DCDC2C: variants seen among roughly 807,000 people sequenced by gnomAD.
DCDC2C encodes the protein doublecortin domain-containing protein 2C.
A neutral mutation model predicts 45.0 loss-of-function variants in DCDC2C; 44 were observed. The ratio of observed to expected loss-of-function variants is 0.98; its 90% CI spans 0.77 to 1.26. The LOEUF (loss-of-function observed/expected upper bound fraction) is 1.26, where lower values mean the gene tolerates loss of function less well. Among genes scored for constraint, DCDC2C ranks in the 50% most tolerant of loss-of-function variants. The probability of loss-of-function intolerance (pLI) is 0.00; values close to 1 mark genes in which losing one functional copy is unlikely to be tolerated. For synonymous variants in DCDC2C, 187 were observed against 178.8 expected (o/e 1.05, Z -0.37); for missense variants, 447 against 468.9 (o/e 0.95, Z 0.43).
At chr2:3,788,927 G>T (rs376908509) in intron 10 of DCDC2C, among the ~76,000 whole-genome samples, 2 of 142,120 alleles carry the variant, frequency 1.4e-5, no homozygotes, top group African/African-American at 5.2e-5. Context: ...TGCAAGCTCC[G>T]CCTCCCACGT....
intron 10 of DCDC2C, among the ~76,000 whole-genome samples, chr2:3,802,950 AG>A (rs1365781165): frequency 6.6e-6 from 1 of 152,120 alleles, no homozygotes; most frequent in Non-Finnish European, 1.5e-5. Flanking sequence ...CACTTTGAAA[AG>A]CTGTTCCTGG....
At chr2:3,707,188 T>C (rs145975954) in intron 1 of DCDC2C, among the ~76,000 whole-genome samples, 399 of 152,346 alleles carry the variant, frequency 2.6e-3, no homozygotes, top group Non-Finnish European at 3.9e-3. Context: ...AGGAACTATT[T>C]GTCCTTTCTT....
chr2:3,778,985 C>T lies in DCDC2C; in HGVS notation c.1023+101C>T, dbSNP rs367724298. 1.3e-3 allele frequency: 1,578 copies of T among 1,208,900 alleles called. 37 individuals are homozygous for T. The South Asian group carries it at 0.022, about 17-fold the overall frequency. 74.9% of individuals were successfully genotyped at this position (1,208,900 alleles called of 1,614,324 possible). On this transcript the variant is annotated intron_variant, in intron 9 of 10. Coordinates refer to ENST00000399143, the MANE Select transcript of DCDC2C (RefSeq NM_001287444.2). ...GGTGAAAGGATCTGAGATCACAAGT[C>T]GCTTCCAAAACACAAGCCAGCGCGG...
At chr2:3,812,930 T>A (rs1278095606) in intron 10 of DCDC2C, among the ~76,000 whole-genome samples, 1 of 151,968 alleles carries the variant, frequency 6.6e-6, no homozygotes, top group African/African-American at 2.4e-5. Flanking sequence ...TTGATTGCAC[T>A]GTAGTCTGAG....
intron 8 of DCDC2C, among the ~76,000 whole-genome samples, chr2:3,773,782 T>C (rs1451575047): frequency 6.6e-6 from 1 of 152,242 alleles, no homozygotes; most frequent in Non-Finnish European, 1.5e-5. Context: ...AATTCCATTT[T>C]AGTAGAGCAG....
At chr2:3,716,333 G>C (rs1488804323) in intron 2 of DCDC2C, among the ~76,000 whole-genome samples, 1 of 152,098 alleles carries the variant, frequency 6.6e-6, no homozygotes, top group Non-Finnish European at 1.5e-5. Context: ...TGAGAGACAG[G>C]GTGGGCCATC....
chr2:3,739,135 A>AT (rs1421193002), intron 3 of DCDC2C, among the ~76,000 whole-genome samples: 1 of 152,220 alleles, frequency 6.6e-6, no homozygotes, highest in East Asian at 1.9e-4. Context: ...AAATTTACAG[A>AT]TTTTTCTATT....
chr2:3,820,147 C>T (rs1243358006), intron 10 of DCDC2C, among the ~76,000 whole-genome samples: 1 of 152,118 alleles, frequency 6.6e-6, no homozygotes, highest in Non-Finnish European at 1.5e-5. Flanking sequence ...ACGTCAGGCA[C>T]CTCAGACCAT....
chr2:3,718,581 GA>G (rs1367245374), intron 2 of DCDC2C, among the ~76,000 whole-genome samples: 3 of 152,188 alleles, frequency 2.0e-5, no homozygotes, highest in Non-Finnish European at 2.9e-5. Context: ...TGCTCTCTGA[GA>G]AAGTCCAGGG....
At chr2:3,725,267 G>A (rs1352311274) in intron 2 of DCDC2C, among the ~76,000 whole-genome samples, 1 of 152,200 alleles carries the variant, frequency 6.6e-6, no homozygotes, top group Non-Finnish European at 1.5e-5. Flanking sequence ...GAAGGGCAGT[G>A]TACATGTGCC....
chr2:3,809,992 A>G (rs1427024087), intron 10 of DCDC2C, among the ~76,000 whole-genome samples: 1 of 152,170 alleles, frequency 6.6e-6, no homozygotes, highest in Non-Finnish European at 1.5e-5. Flanking sequence ...CCAGCTTATC[A>G]TTGATGGGCA....
At chr2:3,815,993 CA>C (rs1203262007) in intron 10 of DCDC2C, among the ~76,000 whole-genome samples, 1 of 151,302 alleles carries the variant, frequency 6.6e-6, no homozygotes, top group African/African-American at 2.4e-5. Flanking sequence ...ATTGGGGTGG[CA>C]AAAATTTTTT....
chr2:3,847,445 A>G lies in DCDC2C; in HGVS notation c.*262A>G, dbSNP rs1672361028. 1 of 305,722 alleles carries G rather than the reference A, an allele frequency of 3.3e-6. No homozygotes were observed. The highest frequency in any genetic ancestry group is 5.1e-5 in the East Asian group (1 of 19,454). The allele number at this position is 305,722 out of a possible 1,614,324, so 18.9% of individuals were successfully genotyped here. A position where few individuals can be genotyped will look rare whatever the true frequency, so the allele number is the denominator to read the frequency against. On this transcript the variant is annotated 3_prime_UTR_variant, in exon 11 of 11. Transcript: ENST00000399143. ...TTTATCATTAAGCCCCCAAAAGATC[A>G]TTCAGAAAGTGAGAAGAATTTGAAA... is the stretch of plus-strand genomic sequence containing the variant.
At chr2:3,743,474 C>A (rs1422877579) in intron 4 of DCDC2C, among the ~76,000 whole-genome samples, 1 of 152,218 alleles carries the variant, frequency 6.6e-6, no homozygotes, top group Non-Finnish European at 1.5e-5. Context: ...GTGTACACAG[C>A]ATTCCCCAGG....
chr2:3,844,147 C>T (rs925650840), intron 10 of DCDC2C: 1 of 152,198 alleles, frequency 6.6e-6, no homozygotes, highest in Non-Finnish European at 1.5e-5. Context: ...TAGAAGCCCA[C>T]AGAGAACCAC....
At chr2:3,778,794 A>G (rs1401247799) in intron 8 of DCDC2C, 22 bp from the exon 9 acceptor site, 6 of 1,549,426 alleles carry the variant, frequency 3.9e-6, no homozygotes, top group Non-Finnish European at 5.2e-6. Flanking sequence ...AGTTGATAAA[A>G]TGTGGTGTAT....
chr2:3,715,672 C>G (rs6735023), intron 2 of DCDC2C, among the ~76,000 whole-genome samples: 37,330 of 152,024 alleles, frequency 0.25, 5,927 homozygotes, highest in African/African-American at 0.45. Flanking sequence ...GATTATGCCA[C>G]AGCAGCAACA....
chr2:3,752,808 G>T lies in DCDC2C; in HGVS notation c.591G>T (p.Leu197Phe). 6.4e-7 allele frequency: 1 copy of T among 1,550,488 alleles called. No individual in the cohort carries two copies. The highest frequency in any genetic ancestry group is 8.7e-7 in the Non-Finnish European group (1 of 1,146,928). ...NGHLLGDSKD[L>F]QDNHFYVAVG... ...ATCTTTTGGGCGACTCAAAGGATTT[G>T]CAAGACAATCACTTTTATGTTGCTG... The change falls in exon 5 of 11, where the codon TTG becomes TTT. Residue 197 changes from leucine (L) to phenylalanine (F), a missense_variant. Transcript: ENST00000399143.
chr2:3,824,148 G>C (rs60092167), intron 10 of DCDC2C, among the ~76,000 whole-genome samples: 15,317 of 152,276 alleles, frequency 0.1, 1,045 homozygotes, highest in East Asian at 0.29. Flanking sequence ...ATAGTTCCAG[G>C]ATGTGGATCA....
Sources: gnomAD v4.1 joint callset for allele counts (sites outside exome capture counted in the v4.1 genomes callset) on GRCh38, gnomAD v4.1.1 for gene constraint, MANE v1.5 for transcripts, NCBI Gene and HGNC (gene_info 2026-07-23, HGNC 2026-07-21) for gene names.